Variants in RSRC1 observed in about 807,000 individuals in gnomAD.
RSRC1 encodes the protein serine/Arginine-related protein 53.
A neutral mutation model predicts 49.1 loss-of-function variants in RSRC1; 39 were observed. That is an observed-to-expected ratio of 0.79 (90% confidence interval 0.61 to 1.04). RSRC1 has a LOEUF of 1.04. RSRC1 is among the 50% of genes least tolerant of loss of function. The pLI is 0.00. For missense variants in RSRC1, 388 were observed against 402.4 expected, an observed-to-expected ratio of 0.96 and a Z score of 0.31; for synonymous variants, 143 against 130.8, an observed-to-expected ratio of 1.09 and a Z score of -0.63.
intron 3 of RSRC1, among the ~76,000 whole-genome samples, chr3:158,170,353 TAC>T (rs1718806345): frequency 1.3e-5 from 2 of 152,024 alleles, no homozygotes; most frequent in Admixed American, 1.3e-4. Context: ...TTCTCCCTTT[TAC>T]CATTTTTATT....
chr3:158,498,934 T>C (rs1000377232), intron 7 of RSRC1, among the ~76,000 whole-genome samples: 2 of 152,222 alleles, frequency 1.3e-5, no homozygotes, highest in African/African-American at 4.8e-5. Flanking sequence ...TCTATGTGCC[T>C]ATTTTTATAC....
intron 6 of RSRC1, among the ~76,000 whole-genome samples, chr3:158,407,898 G>T (rs917265509): frequency 1.3e-5 from 2 of 152,040 alleles, no homozygotes; most frequent in Admixed American, 1.3e-4. Context: ...ATTCTTGGGG[G>T]CCCAGTCTGA....
rs1396098260 is a variant in RSRC1 at position 158,284,986 on chromosome 3, G to A, written c.495-13053G>A. Among the ~76,000 whole-genome samples the A allele has an allele frequency of 3.3e-5, 5 of 152,128 alleles. No homozygotes were observed. In the East Asian group the frequency reaches 7.7e-4, roughly 23 times the overall value. ...CCTTACTCATGCCTATGTCCTGAATGGTATTGCCTAGGTTTTCTTCTAGGG... is the reference window on the plus strand; with the variant it reads ...CCTTACTCATGCCTATGTCCTGAATAGTATTGCCTAGGTTTTCTTCTAGGG... On this transcript the variant is annotated intron_variant, in intron 4 of 9. Transcript: ENST00000611884.
chr3:158,412,147 T>C (rs1033249667), intron 6 of RSRC1, among the ~76,000 whole-genome samples: 11 of 152,186 alleles, frequency 7.2e-5, no homozygotes, highest in Non-Finnish European at 1.6e-4. Flanking sequence ...TTTGTTTTTT[T>C]CTTTTTTTAT....
chr3:158,135,728 G>A (rs1164169344), intron 3 of RSRC1, among the ~76,000 whole-genome samples: 1 of 152,044 alleles, frequency 6.6e-6, no homozygotes, highest in Non-Finnish European at 1.5e-5. Flanking sequence ...ATGTTGACAA[G>A]GCTTTAAGTC....
chr3:158,470,379 T>A lies in RSRC1; in HGVS notation c.652+9376T>A, dbSNP rs1022660046. Among the ~76,000 whole-genome samples the A allele has an allele frequency of 4.7e-5, 7 of 147,706 alleles. No homozygotes were observed. In the South Asian group the frequency reaches 8.7e-4, roughly 18 times the overall value. On this transcript the variant is annotated intron_variant, in intron 7 of 9. Coordinates refer to ENST00000611884, the MANE Select transcript of RSRC1 (RefSeq NM_001271838.2). ...ACACACACATATATATATATATATA[T>A]AAAACCATCTTCAGTGTAATTGACC...
intron 6 of RSRC1, among the ~76,000 whole-genome samples, chr3:158,454,013 A>G (rs1737188640): frequency 6.6e-6 from 1 of 151,752 alleles, no homozygotes; most frequent in African/African-American, 2.4e-5. Flanking sequence ...GTGTTCTTGA[A>G]TGCTTTTTGG....
chr3:158,187,353 A>G (rs1284275104), intron 3 of RSRC1, among the ~76,000 whole-genome samples: 1 of 151,992 alleles, frequency 6.6e-6, no homozygotes, highest in Non-Finnish European at 1.5e-5. Context: ...GACATATACT[A>G]AACAAGCATA....
intron 3 of RSRC1, among the ~76,000 whole-genome samples, chr3:158,137,845 G>C (rs569616516): frequency 6.6e-6 from 1 of 151,872 alleles, no homozygotes; most frequent in Non-Finnish European, 1.5e-5. Context: ...GTAGAGACAG[G>C]GTTTCGCCAT....
intron 5 of RSRC1, among the ~76,000 whole-genome samples, chr3:158,309,819 A>G (rs1728032878): frequency 6.6e-6 from 1 of 151,756 alleles, no homozygotes; most frequent in South Asian, 2.1e-4. Context: ...CCTAGGTTTT[A>G]TTTATCCACC....
intron 4 of RSRC1, among the ~76,000 whole-genome samples, chr3:158,260,640 G>A (rs558008175): frequency 1.3e-5 from 2 of 152,266 alleles, no homozygotes; most frequent in South Asian, 4.1e-4. Context: ...GCTTGCCCAG[G>A]AATTACAGTT....
intron 5 of RSRC1, among the ~76,000 whole-genome samples, chr3:158,343,292 G>A (rs1469694593): frequency 6.6e-6 from 1 of 152,108 alleles, no homozygotes; most frequent in African/African-American, 2.4e-5. Flanking sequence ...GATGCGAAGG[G>A]ATCAAACTAC....
intron 4 of RSRC1, among the ~76,000 whole-genome samples, chr3:158,285,184 G>T (rs185384447): frequency 0.017 from 2,608 of 152,202 alleles, 47 homozygotes; most frequent in Admixed American, 0.076. Context: ...TGTCAGGTTT[G>T]TCAAAGATCA....
chr3:158,500,919 T>G (rs7619886), intron 7 of RSRC1, among the ~76,000 whole-genome samples: 30,322 of 152,006 alleles, frequency 0.2, 3,663 homozygotes, highest in African/African-American at 0.34. Context: ...TGTTTTTTTC[T>G]TGTTTCTCTA....
intron 4 of RSRC1, among the ~76,000 whole-genome samples, chr3:158,247,599 T>G (rs1472419925): frequency 6.6e-6 from 1 of 152,146 alleles, no homozygotes; most frequent in African/African-American, 2.4e-5. Context: ...TGTTGTTGTG[T>G]TTTCTGTTTG....
At chr3:158,120,000 T>C (rs1715141457) in intron 1 of RSRC1, among the ~76,000 whole-genome samples, 1 of 151,952 alleles carries the variant, frequency 6.6e-6, no homozygotes, top group South Asian at 2.1e-4. Context: ...CCAGCTACTT[T>C]TTGTGTTTTT....
At chr3:158,143,264 A>C (rs1428133527) in intron 3 of RSRC1, among the ~76,000 whole-genome samples, 1 of 152,196 alleles carries the variant, frequency 6.6e-6, no homozygotes, top group Non-Finnish European at 1.5e-5. Context: ...TTGAGATAAA[A>C]TCTTTGAAAG....
intron 3 of RSRC1, among the ~76,000 whole-genome samples, chr3:158,170,078 GA>G (rs1455046078): frequency 6.6e-6 from 1 of 151,988 alleles, no homozygotes; most frequent in African/African-American, 2.4e-5. Context: ...GAAATTATTG[GA>G]AATTACCCTG....
At chr3:158,253,948 A>G (rs1222689145) in intron 4 of RSRC1, among the ~76,000 whole-genome samples, 2 of 152,044 alleles carry the variant, frequency 1.3e-5, no homozygotes, top group Non-Finnish European at 2.9e-5. Flanking sequence ...CTGGTGTGTG[A>G]TGTTCCCCGC....
Sources: gnomAD v4.1 joint callset for allele counts (sites outside exome capture counted in the v4.1 genomes callset) on GRCh38, gnomAD v4.1.1 for gene constraint, MANE v1.5 for transcripts, NCBI Gene and HGNC (gene_info 2026-07-23, HGNC 2026-07-21) for gene names.